Variants in STX7 observed in about 807,000 individuals in gnomAD.
STX7 encodes syntaxin-7.
Under a neutral mutation model 39.6 loss-of-function variants are expected in STX7, and 34 were observed. That is an observed-to-expected ratio of 0.86 (90% CI 0.65 to 1.14). STX7 has a LOEUF of 1.14. Ranked by LOEUF, STX7 falls within the 50% of genes most tolerant of loss-of-function variation. STX7 has a pLI of 0.00. For synonymous variants in STX7, 119 were observed against 99.1 expected (o/e 1.20, Z -1.19); for missense variants, 284 against 310.4 (o/e 0.92, Z 0.64).
chr6:132,469,860 T>C (rs1193627842), intron 7 of STX7, 91 bp downstream of exon 7: 4 of 1,074,648 alleles, frequency 3.7e-6, no homozygotes, highest in East Asian at 3.0e-5. Context: ...AATTTTTCTG[T>C]CTCATGCATT....
intron 1 of STX7, among the ~76,000 whole-genome samples, chr6:132,507,576 G>T (rs1775736929): frequency 6.6e-6 from 1 of 152,146 alleles, no homozygotes; most frequent in Non-Finnish European, 1.5e-5. Context: ...TGTTCTTCGA[G>T]ACTAGCTTCT....
At position 132,460,860 on chromosome 6, in the gene STX7, C is replaced by CA. The variant is rs1649714900; in HGVS notation, c.694-11dup. ...TTTTTCTGGATTTGCGCTGCAGACG[C>CA]AAAAAACAAAACAAAACAAAAAAAC... is the stretch of plus-strand genomic sequence containing the variant. On this transcript the variant is annotated splice_polypyrimidine_tract_variant and intron_variant, in intron 9 of 9. Transcript: ENST00000367941. 5.6e-6 allele frequency: 9 copies of CA among 1,605,800 alleles called. No individual in the cohort carries two copies. Among genetic ancestry groups the CA allele is most frequent in the East Asian group, 2.2e-5 (1 of 44,664 alleles).
chr6:132,507,847 G>T (rs946300449), intron 1 of STX7, among the ~76,000 whole-genome samples: 2 of 152,130 alleles, frequency 1.3e-5, no homozygotes, highest in African/African-American at 4.8e-5. Context: ...TAATCTCTGG[G>T]GATGCTCCTC....
In STX7 at chr6:132,457,428, T is replaced by C. The variant is rs1774268517; in HGVS notation, c.*3330A>G. The C allele has an allele frequency of 1.3e-5, 2 of 152,212 alleles. No individual in the cohort carries two copies. The highest frequency in any genetic ancestry group is 4.8e-5 in the African/African-American group (2 of 41,458). 9.4% of individuals were successfully genotyped at this position (152,212 alleles called of 1,614,324 possible). On this transcript the variant is annotated 3_prime_UTR_variant, in exon 10 of 10. Transcript: ENST00000367941. ...TGTCACAGTATTTTGAGGACACAAA[T>C]TCCTAAATACTCAGAAAAAAATGGT... is the stretch of plus-strand genomic sequence containing the variant.
chr6:132,467,749 T>C (rs148543181), intron 8 of STX7, among the ~76,000 whole-genome samples: 26 of 152,268 alleles, frequency 1.7e-4, no homozygotes, highest in African/African-American at 6.3e-4. Flanking sequence ...TCAGAAAATA[T>C]ACTAAAAGCA....
chr6:132,506,378 C>T (rs746004808), intron 1 of STX7, among the ~76,000 whole-genome samples: 1 of 152,006 alleles, frequency 6.6e-6, no homozygotes, highest in Admixed American at 6.6e-5. Flanking sequence ...CCAGAATTTA[C>T]AAGAAACTCA....
intron 2 of STX7, among the ~76,000 whole-genome samples, chr6:132,489,448 G>A (rs1476978249): frequency 2.6e-5 from 4 of 152,138 alleles, no homozygotes; most frequent in African/African-American, 9.7e-5. Flanking sequence ...TGTATCACAA[G>A]TAGAAAAACT....
chr6:132,495,615 C>T (rs1775403825), intron 2 of STX7, among the ~76,000 whole-genome samples: 1 of 151,946 alleles, frequency 6.6e-6, no homozygotes, highest in Non-Finnish European at 1.5e-5. Context: ...AGGACTGGAG[C>T]TCCTTTTTTA....
rs1272933488 is a variant in STX7, at chr6:132,460,862, A to AAAAAC, written c.694-17_694-13dup. 6 of 1,609,760 alleles carry AAAAAC rather than the reference A, an allele frequency of 3.7e-6. No homozygotes were observed. The highest frequency in any genetic ancestry group is 1.7e-5 in the Admixed American group (1 of 59,680). The stretch of plus-strand genomic sequence containing the variant: ...TTTCTGGATTTGCGCTGCAGACGCA[A>AAAAAC]AAAACAAAACAAAACAAAAAAACAT... On this transcript the variant is annotated splice_polypyrimidine_tract_variant and intron_variant, in intron 9 of 9. Coordinates refer to ENST00000367941, the MANE Select transcript of STX7 (RefSeq NM_003569.3).
intron 9 of STX7, among the ~76,000 whole-genome samples, chr6:132,462,604 T>TGG (rs1330637388): frequency 6.6e-6 from 1 of 151,614 alleles, no homozygotes; most frequent in Non-Finnish European, 1.5e-5. Context: ...TGTGTGTGTG[T>TGG]GTGTGTGTGT....
rs561070090 is a variant in STX7, at chr6:132,456,296, C to T, written c.*4462G>A. ...TGGATAAACAGGAGGCTGGTCCAAA[C>T]GGAGATTTATATTTAGACATTCCCT... On this transcript the variant is annotated 3_prime_UTR_variant, in exon 10 of 10. Coordinates refer to ENST00000367941, the MANE Select transcript of STX7 (RefSeq NM_003569.3). 18 of 152,296 alleles carry T rather than the reference C, an allele frequency of 1.2e-4. No homozygotes were observed. The highest frequency in any genetic ancestry group is 3.6e-4 in the African/African-American group (15 of 41,560). 9.4% of individuals were successfully genotyped at this position (152,296 alleles called of 1,614,324 possible).
At chr6:132,474,881 C>T (rs1582656631) in intron 3 of STX7, among the ~76,000 whole-genome samples, 1 of 152,046 alleles carries the variant, frequency 6.6e-6, no homozygotes, top group East Asian at 1.9e-4. Context: ...GAAGCTAATG[C>T]TCTCTGAAAT....
intron 9 of STX7, among the ~76,000 whole-genome samples, chr6:132,461,283 T>C (rs1774390708): frequency 6.6e-6 from 1 of 152,096 alleles, no homozygotes; most frequent in African/African-American, 2.4e-5. Context: ...TAAGTACAAA[T>C]TGGCAACTTT....
intron 2 of STX7, among the ~76,000 whole-genome samples, chr6:132,477,632 A>G (rs1774906324): frequency 1.3e-5 from 2 of 152,184 alleles, no homozygotes; most frequent in African/African-American, 4.8e-5. Context: ...AGTAAGAGAT[A>G]TAAAATATTA....
intron 2 of STX7, among the ~76,000 whole-genome samples, chr6:132,491,895 A>C (rs145819282): frequency 3.3e-5 from 5 of 152,130 alleles, no homozygotes; most frequent in African/African-American, 4.8e-5. Flanking sequence ...CCACTCCCTA[A>C]CCAACTTAAA....
chr6:132,482,255 C>A (rs556353201), intron 2 of STX7, among the ~76,000 whole-genome samples: 4 of 152,262 alleles, frequency 2.6e-5, no homozygotes, highest in African/African-American at 9.6e-5. Context: ...CTGCTACGTA[C>A]CAGGCACAGC....
rs113422933 is a variant in STX7, at chr6:132,468,272, T to C, written c.610+131A>G. ...CAAGGGTGATGCTTACTGTGTTTTA[T>C]AGACCATGCTTTTGGTTCCAGGGAA... On this transcript the variant is annotated intron_variant, in intron 8 of 9. Transcript: ENST00000367941. The C allele has an allele frequency of 3.2e-3, 2,216 of 701,054 alleles. 30 individuals are homozygous for C. The highest frequency in any genetic ancestry group is 0.03 in the African/African-American group (1,673 of 55,044). 43.4% of individuals were successfully genotyped at this position (701,054 alleles called of 1,614,324 possible).
rs1214768124 is a variant in STX7, at chr6:132,447,176, C to G, written c.*13582G>C. 6.6e-6 allele frequency: 1 copy of G among 152,166 alleles called. No individual in the cohort carries two copies. The highest frequency in any genetic ancestry group is 1.5e-5 in the Non-Finnish European group (1 of 68,028). 9.4% of individuals were successfully genotyped at this position (152,166 alleles called of 1,614,324 possible). On this transcript the variant is annotated 3_prime_UTR_variant, in exon 10 of 10. Transcript: ENST00000367941. ...ACACCAGGCTTTTAAGTAAAACACC[C>G]TAAGATGGAACTTACTGTGTAGTGG...
In STX7 at chr6:132,455,674, T is replaced by A. The variant is rs911413106; in HGVS notation, c.*5084A>T. The A allele has an allele frequency of 1.3e-5, 2 of 152,196 alleles. No homozygotes were observed. Among genetic ancestry groups the A allele is most frequent in the Non-Finnish European group, 2.9e-5 (2 of 68,036 alleles). 9.4% of individuals were successfully genotyped at this position (152,196 alleles called of 1,614,324 possible). ...CTTAAAAACTTGCCAGAAGCTACAG[T>A]GTCTACAAAAACCTATTTAGTGTGT... On this transcript the variant is annotated 3_prime_UTR_variant, in exon 10 of 10. Coordinates refer to ENST00000367941, the MANE Select transcript of STX7 (RefSeq NM_003569.3).
Sources: allele counts gnomAD v4.1 joint callset (sites outside exome capture counted in the v4.1 genomes callset), GRCh38; gene constraint gnomAD v4.1.1; transcripts MANE v1.5; gene names NCBI Gene and HGNC (gene_info 2026-07-23, HGNC 2026-07-21).